The following CATSPER3 variants were observed in gnomAD, a reference collection of about 807,000 sequenced individuals.
CATSPER3 encodes cation channel sperm associated 3.
CATSPER3 carries 23 observed loss-of-function variants against 36.6 expected under a neutral mutation model. The ratio of observed to expected loss-of-function variants is 0.63; its 90% CI spans 0.45 to 0.89. CATSPER3 has a LOEUF of 0.89. Ranked by LOEUF, CATSPER3 falls within the 40% of genes least tolerant of loss-of-function variation. The pLI, the probability that CATSPER3 is intolerant of heterozygous loss-of-function variation, is 0.00. For missense variants in CATSPER3, 474 were observed against 503.9 expected, an observed-to-expected ratio of 0.94 and a Z score of 0.57; for synonymous variants, 172 against 184.1, an observed-to-expected ratio of 0.93 and a Z score of 0.53.
At chr5:134,997,935 A>C (rs1475973067) in intron 3 of CATSPER3, among the ~76,000 whole-genome samples, 1 of 152,004 alleles carries the variant, frequency 6.6e-6, no homozygotes, top group East Asian at 1.9e-4. Flanking sequence ...TTTTTTTAAA[A>C]ATTATTCTTT....
At chr5:134,986,458 CTTT>C (rs61671231) in intron 2 of CATSPER3, among the ~76,000 whole-genome samples, 3 of 116,596 alleles carry the variant, frequency 2.6e-5, no homozygotes, top group Non-Finnish European at 5.1e-5. Flanking sequence ...ACAGCATACC[CTTT>C]TTTTTTTTTT....
intron 3 of CATSPER3, among the ~76,000 whole-genome samples, chr5:135,001,583 T>A (rs1467696575): frequency 6.6e-6 from 1 of 152,168 alleles, no homozygotes; most frequent in African/African-American, 2.4e-5. Flanking sequence ...CCCATTATTA[T>A]TGTGTGGGAG....
chr5:135,003,845 G>A (rs758262555), intron 3 of CATSPER3, among the ~76,000 whole-genome samples: 10 of 152,202 alleles, frequency 6.6e-5, no homozygotes, highest in South Asian at 2.1e-4. Flanking sequence ...TCCAGGCGCC[G>A]TCTGTCACAG....
At chr5:135,004,319 G>C (rs1349997421) in intron 3 of CATSPER3, among the ~76,000 whole-genome samples, 2 of 152,222 alleles carry the variant, frequency 1.3e-5, no homozygotes, top group South Asian at 2.1e-4. Flanking sequence ...ATGCCCGTGT[G>C]GGGTGGGGAG....
chr5:134,971,687 G>A (rs771704034), intron 2 of CATSPER3, among the ~76,000 whole-genome samples: 1 of 152,138 alleles, frequency 6.6e-6, no homozygotes, highest in Non-Finnish European at 1.5e-5. Context: ...TTTTGAAGGG[G>A]CTAGAGGAGC....
At chr5:135,001,220 G>C (rs1194095726) in intron 3 of CATSPER3, among the ~76,000 whole-genome samples, 1 of 152,184 alleles carries the variant, frequency 6.6e-6, no homozygotes, top group Non-Finnish European at 1.5e-5. Context: ...TTCAGGAGCA[G>C]GTTGTTCAGT....
intron 3 of CATSPER3, among the ~76,000 whole-genome samples, chr5:134,999,608 T>C (rs1332757623): frequency 1.3e-5 from 2 of 152,242 alleles, no homozygotes; most frequent in African/African-American, 4.8e-5. Flanking sequence ...GTAGTTCTCC[T>C]TGAAGAAGTC....
In CATSPER3 at chr5:134,968,037, T is replaced by C; in HGVS notation, c.46T>C (p.Ser16Pro). The C allele has an allele frequency of 1.2e-6, 2 of 1,614,120 alleles. No individual in the cohort carries two copies. Among genetic ancestry groups the C allele is most frequent in the South Asian group, 2.2e-5 (2 of 91,076 alleles). Residue 16 changes from serine (S) to proline (P), a missense_variant, in exon 1 of 8, where the codon TCA becomes CCA. Coordinates refer to ENST00000282611, the MANE Select transcript of CATSPER3 (RefSeq NM_178019.3). ...HQRHSRVISS[S>P]PVDTTSVGFC... ...GCGCCACTCGAGAGTCATTTCTAGT[T>C]CACCAGTTGACACTACATCGGTGGG...
intron 2 of CATSPER3, among the ~76,000 whole-genome samples, chr5:134,986,415 A>G (rs1293084508): frequency 6.7e-6 from 1 of 149,858 alleles, no homozygotes; most frequent in Admixed American, 6.7e-5. Flanking sequence ...AAGTGCTGGA[A>G]TTACAGGCGT....
intron 2 of CATSPER3, among the ~76,000 whole-genome samples, chr5:134,977,503 C>T (rs1042058437): frequency 4.6e-5 from 7 of 152,110 alleles, no homozygotes; most frequent in African/African-American, 1.7e-4. Flanking sequence ...CATCTGAGAC[C>T]TCATCAGCCT....
chr5:134,980,007 A>G (rs1751730936), intron 2 of CATSPER3, among the ~76,000 whole-genome samples: 2 of 123,976 alleles, frequency 1.6e-5, no homozygotes, highest in Admixed American at 1.8e-4. Context: ...TTTGAGACAA[A>G]GTCTTACTCT....
chr5:135,010,706 G>A (rs571935641), intron 7 of CATSPER3, among the ~76,000 whole-genome samples, 176 bp downstream of exon 7: 1 of 152,176 alleles, frequency 6.6e-6, no homozygotes, highest in Non-Finnish European at 1.5e-5. Flanking sequence ...CTGGGCTGCT[G>A]TGTGGACGGG....
chr5:134,985,615 A>C (rs569658471), intron 2 of CATSPER3, among the ~76,000 whole-genome samples: 1 of 152,238 alleles, frequency 6.6e-6, no homozygotes, highest in East Asian at 1.9e-4. Flanking sequence ...TACCCCTAAA[A>C]GTATTGAAAT....
At chr5:134,975,626 A>G (rs907514726) in intron 2 of CATSPER3, among the ~76,000 whole-genome samples, 5 of 152,244 alleles carry the variant, frequency 3.3e-5, no homozygotes, top group South Asian at 4.1e-4. Flanking sequence ...TTAAAAGACA[A>G]CAAATAAATG....
At chr5:134,978,580 C>G (rs144700536) in intron 2 of CATSPER3, among the ~76,000 whole-genome samples, 1 of 152,072 alleles carries the variant, frequency 6.6e-6, no homozygotes, top group Non-Finnish European at 1.5e-5. Context: ...TTTCACCACT[C>G]CTATTTAACA....
At chr5:135,009,282 A>G (rs1259747529) in intron 5 of CATSPER3, 89 bp from the exon 6 acceptor site, 18 of 1,374,532 alleles carry the variant, frequency 1.3e-5, no homozygotes, top group Non-Finnish European at 1.9e-5. Context: ...TGAGGGCCTG[A>G]GCAGCGGTGC....
rs1347249540 is a variant in CATSPER3 at position 134,998,093 on chromosome 5, C to T, written c.492+1581C>T. On this transcript the variant is annotated intron_variant, in intron 3 of 7. Coordinates refer to ENST00000282611, the MANE Select transcript of CATSPER3 (RefSeq NM_178019.3). ...CCCGCCACCCCTCCATGACAGGCCCCGGTGTGTGATGTTCCCCTTCCTGGG... is the reference window on the plus strand; with the variant it reads ...CCCGCCACCCCTCCATGACAGGCCCTGGTGTGTGATGTTCCCCTTCCTGGG... 2.8e-4 allele frequency among the ~76,000 whole-genome samples: 42 copies of T among 152,122 alleles called. 1 individual carries two copies. Among genetic ancestry groups the T allele is most frequent in the Admixed American group, 2.4e-3 (36 of 15,278 alleles).
At chr5:134,969,786 T>A in intron 1 of CATSPER3, 153 bp from the exon 2 acceptor site, 1 of 785,794 alleles carries the variant, frequency 1.3e-6, no homozygotes, top group Non-Finnish European at 2.2e-6. Flanking sequence ...CAGTGGTCAT[T>A]TATTCAACAT....
At position 134,977,733 on chromosome 5, in the gene CATSPER3, G is replaced by C. The variant is rs141018760; in HGVS notation, c.252+7641G>C. Among the ~76,000 whole-genome samples, 365 of 152,250 alleles carry C rather than the reference G, an allele frequency of 2.4e-3. 2 individuals carry two copies. Among genetic ancestry groups the C allele is most frequent in the African/African-American group, 8.5e-3 (352 of 41,544 alleles). On this transcript the variant is annotated intron_variant, in intron 2 of 7. Coordinates refer to ENST00000282611, the MANE Select transcript of CATSPER3 (RefSeq NM_178019.3). ...TTCCCATATTAGTTTTTGTGTTGCT[G>C]TAAAGAAATACCTGAGGCTGAGTAA... is the stretch of plus-strand genomic sequence containing the variant.
Sources: allele counts gnomAD v4.1 joint callset (sites outside exome capture counted in the v4.1 genomes callset), GRCh38; gene constraint gnomAD v4.1.1; transcripts MANE v1.5; gene names NCBI Gene and HGNC (gene_info 2026-07-23, HGNC 2026-07-21).